Variants in LIMCH1 observed in about 807,000 individuals in gnomAD.
The protein encoded by LIMCH1 is LIM and calponin homology domains-containing protein 1.
A neutral mutation model predicts 176.5 loss-of-function variants in LIMCH1; 113 were observed. The observed-to-expected ratio is 0.64, with a 90% confidence interval of 0.55 to 0.75. LIMCH1 has a LOEUF of 0.75. LIMCH1 is among the 30% of genes least tolerant of loss of function. The probability of loss-of-function intolerance (pLI) is 0.00; values close to 1 mark genes in which losing one functional copy is unlikely to be tolerated. For synonymous variants in LIMCH1, 619 were observed against 645.9 expected, an observed-to-expected ratio of 0.96 and a Z score of 0.63; for missense variants, 1,674 against 1,814.9, an observed-to-expected ratio of 0.92 and a Z score of 1.41.
intron 2 of LIMCH1, among the ~76,000 whole-genome samples, chr4:41,494,881 T>G (rs572715449): frequency 6.6e-6 from 1 of 152,294 alleles, no homozygotes; most frequent in Admixed American, 6.5e-5. Context: ...GTGCATCAAT[T>G]TGAGCCCATG....
chr4:41,445,177 T>C (rs2063157997), intron 1 of LIMCH1, among the ~76,000 whole-genome samples: 1 of 152,082 alleles, frequency 6.6e-6, no homozygotes. Context: ...GGCTAATTTT[T>C]ATATTTTTAG....
At chr4:41,535,966 C>T (rs531639713), upstream of LIMCH1, among the ~76,000 whole-genome samples, 3 of 152,070 alleles carry the variant, frequency 2.0e-5, no homozygotes, top group East Asian at 1.9e-4. Flanking sequence ...CCTTATCTTT[C>T]GTTGAACAGC....
intron 29 of LIMCH1, 108 bp from the exon 30 acceptor site, chr4:41,689,419 G>T (rs966748352): frequency 1.6e-6 from 1 of 614,242 alleles, no homozygotes; most frequent in East Asian, 2.8e-5. Context: ...CATGATATAG[G>T]CATCTTAAAA....
intron 16 of LIMCH1, 47 bp downstream of exon 16, chr4:41,646,327 G>GTT (rs34126010): frequency 3.3e-4 from 459 of 1,381,102 alleles, no homozygotes; most frequent in Non-Finnish European, 4.0e-4. Context: ...TTATCTAGGT[G>GTT]TTTTTTTTTT....
At chr4:41,370,356 A>G (rs556574141) in intron 1 of LIMCH1, among the ~76,000 whole-genome samples, 5 of 152,100 alleles carry the variant, frequency 3.3e-5, no homozygotes, top group Admixed American at 3.3e-4. Flanking sequence ...GGTCACCTGT[A>G]TGAGTTCTTA....
chr4:41,395,740 A>G (rs1201705851), intron 1 of LIMCH1, among the ~76,000 whole-genome samples: 1 of 152,038 alleles, frequency 6.6e-6, no homozygotes, highest in East Asian at 1.9e-4. Context: ...TCATTCAGCA[A>G]ATACTTATTG....
intron 17 of LIMCH1, among the ~76,000 whole-genome samples, chr4:41,650,131 A>T (rs1396462505): frequency 6.6e-6 from 1 of 152,194 alleles, no homozygotes; most frequent in African/African-American, 2.4e-5. Context: ...ATAAAAGCAG[A>T]CCATAAATGA....
chr4:41,376,221 GAGTA>G (rs2154100173), intron 1 of LIMCH1, among the ~76,000 whole-genome samples: 1 of 152,264 alleles, frequency 6.6e-6, no homozygotes, highest in African/African-American at 2.4e-5. Context: ...TAAGAAAAAT[GAGTA>G]AGAGTGTTTA....
chr4:41,617,801 G>A (rs2092249156), intron 5 of LIMCH1, among the ~76,000 whole-genome samples: 1 of 152,146 alleles, frequency 6.6e-6, no homozygotes. Flanking sequence ...AAGTGTGTTA[G>A]AGACAACCCT....
chr4:41,549,665 AC>A (rs1026024406), intron 1 of LIMCH1, among the ~76,000 whole-genome samples: 37 of 152,142 alleles, frequency 2.4e-4, no homozygotes, highest in Admixed American at 2.2e-3. Context: ...GCTCCTAACC[AC>A]CGTGTTCCAA....
At chr4:41,429,496 C>A (rs2061411149) in intron 1 of LIMCH1, among the ~76,000 whole-genome samples, 1 of 152,182 alleles carries the variant, frequency 6.6e-6, no homozygotes, top group African/African-American at 2.4e-5. Flanking sequence ...CAGCATGATG[C>A]TCTGTTCAAA....
Position 41,620,682 on chromosome 4 carries a change from C to T in LIMCH1, c.717C>T (p.Arg239=). The change falls in exon 7 of 32, where the codon CGC becomes CGT. Residue 239 remains arginine (R), a synonymous_variant. Coordinates refer to ENST00000503057, the MANE Select transcript of LIMCH1 (RefSeq NM_001330672.2). ...AGIKVMPAAQ[R]FASQKQLSEE... is the part of the protein sequence containing the mutation. ...TCAAGGTCATGCCAGCAGCACAGCG[C>T]TTTGCCAGGTCAGCTCTGGGCTGAG... 6.5e-7 allele frequency: 1 copy of T among 1,533,990 alleles called. No homozygotes were observed. The highest frequency in any genetic ancestry group is 1.7e-4 in the Middle Eastern group (1 of 5,818).
intron 1 of LIMCH1, among the ~76,000 whole-genome samples, chr4:41,548,028 G>C (rs531057125): frequency 6.6e-6 from 1 of 151,338 alleles, no homozygotes; most frequent in South Asian, 2.1e-4. Flanking sequence ...AAATAGCATA[G>C]TAATAGTACC....
In LIMCH1 at chr4:41,687,839, G is replaced by C. The variant is rs1722137608; in HGVS notation, c.4089-1G>C. 1 of 1,611,494 alleles carries C rather than the reference G, an allele frequency of 6.2e-7. No individual in the cohort carries two copies. The highest frequency in any genetic ancestry group is 1.3e-5 in the African/African-American group (1 of 74,874). On this transcript the variant is annotated splice_acceptor_variant, in intron 28 of 31. Transcript: ENST00000503057. LOFTEE classifies it high-confidence loss of function. ...TTTTTGACTCCTTTACCACATTACAGGAAAAGTCCCCGAGAGCACTTCCAG... is the reference window on the plus strand; with the variant it reads ...TTTTTGACTCCTTTACCACATTACACGAAAAGTCCCCGAGAGCACTTCCAG...
chr4:41,630,090 G>C (rs1465330641), intron 9 of LIMCH1, among the ~76,000 whole-genome samples: 1 of 152,036 alleles, frequency 6.6e-6, no homozygotes, highest in East Asian at 1.9e-4. Flanking sequence ...ACAGATGTGA[G>C]CCACTGCACC....
chr4:41,629,488 ACAGAAAC>A lies in LIMCH1; in HGVS notation c.1029_1035del (p.Asn344AlafsTer6). 1 of 1,535,734 alleles carries A rather than the reference ACAGAAAC, an allele frequency of 6.5e-7. No homozygotes were observed. Among genetic ancestry groups the A allele is most frequent in the Non-Finnish European group, 8.7e-7 (1 of 1,146,778 alleles). On this transcript the variant is annotated splice_acceptor_variant and splice_polypyrimidine_tract_variant and coding_sequence_variant and intron_variant, in exon 9 of 32. Transcript: ENST00000503057. LOFTEE classifies it high-confidence loss of function. Reference sequence around the variant, plus strand: ...TGGTGTGGGGGCCCGGATCAAATGGACAGAAACCAGGGCCACACAGAAGAGGTGAAGT... The same window carrying A: ...TGGTGTGGGGGCCCGGATCAAATGGACAGGGCCACACAGAAGAGGTGAAGT...
At chr4:41,554,758 G>T (rs935137524) in intron 1 of LIMCH1, among the ~76,000 whole-genome samples, 1 of 152,152 alleles carries the variant, frequency 6.6e-6, no homozygotes, top group Non-Finnish European at 1.5e-5. Context: ...TCCTTGAACC[G>T]TGTCAATTGG....
rs921333781 is a variant in LIMCH1 at position 41,595,679 on chromosome 4, C to T, written c.-240-3241C>T. ...TTATTAAGTGCCCCACATAATTCACCATAATGGTCTGATATCTACAGCCTT... is the reference window on the plus strand; with the variant it reads ...TTATTAAGTGCCCCACATAATTCACTATAATGGTCTGATATCTACAGCCTT... On this transcript the variant is annotated intron_variant, in intron 1 of 31. Coordinates refer to ENST00000503057, the MANE Select transcript of LIMCH1 (RefSeq NM_001330672.2). Among the ~76,000 whole-genome samples, 7 of 152,226 alleles carry T rather than the reference C, an allele frequency of 4.6e-5. No individual in the cohort carries two copies. The East Asian group carries it at 1.4e-3, about 29-fold the overall frequency.
At chr4:41,661,320 C>A in intron 18 of LIMCH1, 100 bp from the exon 19 acceptor site, 1 of 810,824 alleles carries the variant, frequency 1.2e-6, no homozygotes, top group Non-Finnish European at 2.0e-6. Context: ...ATTCATATGG[C>A]CAAACCACTT....
Sources: gnomAD v4.1 joint callset for allele counts (sites outside exome capture counted in the v4.1 genomes callset) on GRCh38, gnomAD v4.1.1 for gene constraint, MANE v1.5 for transcripts, NCBI Gene and HGNC (gene_info 2026-07-23, HGNC 2026-07-21) for gene names.